Variants in SDK1 observed in about 807,000 individuals in gnomAD.
SDK1 encodes sidekick cell adhesion molecule 1.
A neutral mutation model predicts 245.5 loss-of-function variants in SDK1; 157 were observed. The observed-to-expected ratio is 0.64, with a 90% CI of 0.56 to 0.73. The LOEUF (loss-of-function observed/expected upper bound fraction) is 0.73, where lower values mean the gene tolerates loss of function less well. Ranked by LOEUF, SDK1 falls within the 30% of genes least tolerant of loss-of-function variation. SDK1 has a pLI of 0.00. For missense variants in SDK1, 3,583 were observed against 3,002.3 expected (o/e 1.19, Z -4.52); for synonymous variants, 1,647 against 1,278.5 (o/e 1.29, Z -6.15).
chr7:3,531,764 C>T (rs1783354492), intron 1 of SDK1, among the ~76,000 whole-genome samples: 1 of 152,108 alleles, frequency 6.6e-6, no homozygotes, highest in Non-Finnish European at 1.5e-5. Flanking sequence ...TTTTGGGTTA[C>T]TATTTATGAT....
chr7:3,823,456 C>T (rs949470258), intron 5 of SDK1, among the ~76,000 whole-genome samples: 4 of 152,056 alleles, frequency 2.6e-5, no homozygotes, highest in African/African-American at 4.8e-5. Flanking sequence ...TAAAACAGTC[C>T]GTACCTAGTA....
intron 4 of SDK1, among the ~76,000 whole-genome samples, chr7:3,695,017 G>A (rs778404854): frequency 1.3e-5 from 2 of 152,142 alleles, no homozygotes; most frequent in Admixed American, 1.3e-4. Context: ...CCAGAAAGCA[G>A]GTATAAAGGT....
intron 5 of SDK1, among the ~76,000 whole-genome samples, chr7:3,936,028 T>TCCACC (rs1023052430): frequency 6.6e-6 from 1 of 152,104 alleles, no homozygotes; most frequent in African/African-American, 2.4e-5. Flanking sequence ...CTCAATAGAG[T>TCCACC]CCACCCACAC....
intron 14 of SDK1, among the ~76,000 whole-genome samples, chr7:4,000,927 A>C (rs145277826): frequency 1.3e-5 from 2 of 152,176 alleles, no homozygotes; most frequent in African/African-American, 2.4e-5. Context: ...AGGGGGGACC[A>C]TGGCTGTGTT....
At chr7:3,510,514 G>C (rs1782545343) in intron 1 of SDK1, among the ~76,000 whole-genome samples, 1 of 152,116 alleles carries the variant, frequency 6.6e-6, no homozygotes, top group African/African-American at 2.4e-5. Context: ...GTACATGGGA[G>C]CCCTCAGAAT....
At chr7:3,762,991 T>G (rs1042159854) in intron 4 of SDK1, among the ~76,000 whole-genome samples, 3 of 152,162 alleles carry the variant, frequency 2.0e-5, no homozygotes, top group African/African-American at 7.2e-5. Context: ...ATCTTTTGCT[T>G]GGCACGTGAT....
At chr7:3,729,559 C>T (rs1779114059) in intron 4 of SDK1, among the ~76,000 whole-genome samples, 1 of 152,188 alleles carries the variant, frequency 6.6e-6, no homozygotes, top group Non-Finnish European at 1.5e-5. Flanking sequence ...ACAATGCCAA[C>T]AGTGCTAGAT....
At chr7:4,203,478 C>T (rs1243330402) in intron 35 of SDK1, among the ~76,000 whole-genome samples, 1 of 152,048 alleles carries the variant, frequency 6.6e-6, no homozygotes, top group Non-Finnish European at 1.5e-5. Flanking sequence ...GCAGCAGACG[C>T]CAGCAATTGC....
intron 1 of SDK1, among the ~76,000 whole-genome samples, chr7:3,581,839 C>A (rs1011526514): frequency 1.3e-5 from 2 of 152,182 alleles, no homozygotes; most frequent in African/African-American, 2.4e-5. Flanking sequence ...AGATTGTGTC[C>A]TTTGCAGGGA....
chr7:3,723,939 T>TAG (rs1169297616), intron 4 of SDK1, among the ~76,000 whole-genome samples: 15 of 116,720 alleles, frequency 1.3e-4, no homozygotes, highest in East Asian at 4.5e-4. Flanking sequence ...TATATATATA[T>TAG]ATATAGAGAG....
At chr7:3,959,123 C>T (rs1177965636) in intron 8 of SDK1, 109 bp downstream of exon 8, 13 of 853,922 alleles carry the variant, frequency 1.5e-5, no homozygotes, top group Non-Finnish European at 2.2e-5. Flanking sequence ...AGTGTGATGG[C>T]GAAGAGCAGA....
At chr7:3,760,349 C>T (rs915648131) in intron 4 of SDK1, among the ~76,000 whole-genome samples, 1 of 152,042 alleles carries the variant, frequency 6.6e-6, no homozygotes, top group Admixed American at 6.6e-5. Context: ...CATACATTCC[C>T]CTTGTTGACC....
intron 1 of SDK1, among the ~76,000 whole-genome samples, chr7:3,524,846 T>A (rs555620909): frequency 4.4e-4 from 67 of 151,972 alleles, no homozygotes; most frequent in African/African-American, 1.5e-3. Context: ...TAACAAAAGG[T>A]TTAAAAACTG....
intron 1 of SDK1, among the ~76,000 whole-genome samples, chr7:3,518,652 A>C (rs1782827540): frequency 6.6e-6 from 1 of 152,080 alleles, no homozygotes; most frequent in South Asian, 2.1e-4. Context: ...CCCAGATAGG[A>C]TGGCCATTAT....
chr7:4,089,541 C>T (rs1043593940), intron 22 of SDK1, among the ~76,000 whole-genome samples: 16 of 152,206 alleles, frequency 1.1e-4, no homozygotes, highest in Non-Finnish European at 1.5e-4. Flanking sequence ...TTCCTGCCTT[C>T]CCCATCGTGG....
chr7:4,250,568 C>T (rs1787231227), intron 44 of SDK1, among the ~76,000 whole-genome samples: 1 of 152,176 alleles, frequency 6.6e-6, no homozygotes, highest in African/African-American at 2.4e-5. Context: ...TGGTCTCGAA[C>T]TCCTGACCTC....
chr7:3,360,774 C>A (rs749709456), intron 1 of SDK1, among the ~76,000 whole-genome samples: 2 of 152,072 alleles, frequency 1.3e-5, no homozygotes, highest in Admixed American at 1.3e-4. Context: ...AGCAGTCCCC[C>A]CTCCCCACAG....
At chr7:3,556,424 C>A (rs887977727) in intron 1 of SDK1, among the ~76,000 whole-genome samples, 2 of 151,612 alleles carry the variant, frequency 1.3e-5, no homozygotes, top group Non-Finnish European at 2.9e-5. Flanking sequence ...GGGGGTGCAG[C>A]AAGTAGGGAT....
intron 1 of SDK1, among the ~76,000 whole-genome samples, chr7:3,585,240 G>A (rs1026493385): frequency 2.0e-5 from 3 of 152,188 alleles, no homozygotes; most frequent in African/African-American, 7.2e-5. Context: ...AAATGGCTAC[G>A]TAGGCTGAAC....
Sources: allele counts gnomAD v4.1 joint callset (sites outside exome capture counted in the v4.1 genomes callset), GRCh38; gene constraint gnomAD v4.1.1; transcripts MANE v1.5; gene names NCBI Gene and HGNC (gene_info 2026-07-23, HGNC 2026-07-21).